Variants in GPC5 observed in about 807,000 individuals in gnomAD.
GPC5 encodes glypican 5.
In GPC5, 47 loss-of-function variants were observed where a neutral mutation model predicts 53.9. The observed-to-expected ratio is 0.87, with a 90% CI of 0.69 to 1.11. The LOEUF (loss-of-function observed/expected upper bound fraction) is 1.11, where lower values mean the gene tolerates loss of function less well. GPC5 is among the 50% of genes most tolerant of loss of function. The pLI, the probability that GPC5 is intolerant of heterozygous loss-of-function variation, is 0.00. For synonymous variants in GPC5, 286 were observed against 263.3 expected, an observed-to-expected ratio of 1.09 and a Z score of -0.84; for missense variants, 748 against 713.1, an observed-to-expected ratio of 1.05 and a Z score of -0.56.
chr13:92,624,218 T>A (rs184994324), intron 7 of GPC5, among the ~76,000 whole-genome samples: 438 of 152,050 alleles, frequency 2.9e-3, no homozygotes, highest in Non-Finnish European at 4.9e-3. Flanking sequence ...AACAGGCACG[T>A]GCCACCATGC....
intron 5 of GPC5, among the ~76,000 whole-genome samples, chr13:91,768,883 T>C (rs771016474): frequency 1.7e-4 from 26 of 152,212 alleles, no homozygotes; most frequent in Non-Finnish European, 3.2e-4. Flanking sequence ...CAGAGGTAAG[T>C]ACTCATGCTC....
chr13:92,527,229 GAA>G lies in GPC5; in HGVS notation c.1562-339051_1562-339050del, dbSNP rs751387761. 7.4e-4 allele frequency among the ~76,000 whole-genome samples: 28 copies of G among 37,980 alleles called. 1 individual carries two copies. The highest frequency in any genetic ancestry group is 3.8e-3 in the African/African-American group (23 of 6,122). The allele number at this position is 37,980 out of a possible 152,430, so 24.9% of individuals were successfully genotyped here. On this transcript the variant is annotated intron_variant, in intron 7 of 7. Transcript: ENST00000377067. ...AGAAAGAAAGAAAGAAAGAAAGAAA[GAA>G]AGAAAGAAAGAAAGAAAGAGAAAGA...
intron 7 of GPC5, among the ~76,000 whole-genome samples, chr13:92,402,854 AG>A (rs1213840484): frequency 2.6e-5 from 4 of 152,176 alleles, no homozygotes; most frequent in Admixed American, 6.5e-5. Flanking sequence ...GATGACTCAT[AG>A]GGGGAACAGA....
chr13:91,503,758 G>T (rs180906758), intron 2 of GPC5, among the ~76,000 whole-genome samples: 1 of 143,934 alleles, frequency 6.9e-6, no homozygotes, highest in Non-Finnish European at 1.5e-5. Context: ...CCAGCCTGGG[G>T]ACAGAGTGAG....
chr13:91,480,132 A>C (rs1413461020), intron 2 of GPC5, among the ~76,000 whole-genome samples: 2 of 152,328 alleles, frequency 1.3e-5, no homozygotes, highest in African/African-American at 4.8e-5. Context: ...GAAATTTTTG[A>C]ATACAAAGGG....
chr13:92,133,284 A>G (rs1283142530), intron 6 of GPC5, among the ~76,000 whole-genome samples: 4 of 152,198 alleles, frequency 2.6e-5, no homozygotes, highest in Non-Finnish European at 5.9e-5. Flanking sequence ...GAGAATCAGA[A>G]TGACATTTGT....
chr13:91,691,190 T>A (rs2035750571), intron 2 of GPC5, among the ~76,000 whole-genome samples: 1 of 152,222 alleles, frequency 6.6e-6, no homozygotes, highest in Admixed American at 6.5e-5. Context: ...GAATGCTTGC[T>A]GAACAACTCT....
intron 7 of GPC5, among the ~76,000 whole-genome samples, chr13:92,234,011 GT>G (rs1266425545): frequency 2.6e-5 from 4 of 152,146 alleles, no homozygotes; most frequent in Non-Finnish European, 5.9e-5. Flanking sequence ...TGGCTGCATA[GT>G]ATTCCATGGT....
Position 91,399,081 on chromosome 13 carries a change from G to A in GPC5, c.35G>A (p.Cys12Tyr), listed in dbSNP as rs1467990646. ...CAGACCTGGCCCGTGGGCTTTCGCT[G>A]CCTCCTCCTTCTGGCCCTGGTTGGG... ...DAQTWPVGFR[C>Y]LLLLALVGSA... The change falls in exon 1 of 8, where the codon TGC becomes TAC. Residue 12 changes from cysteine to tyrosine, a missense_variant. Coordinates refer to ENST00000377067, the MANE Select transcript of GPC5 (RefSeq NM_004466.6). The A allele has an allele frequency of 6.3e-7, 1 of 1,585,522 alleles. No homozygotes were observed.
intron 7 of GPC5, among the ~76,000 whole-genome samples, chr13:92,363,235 C>G (rs982371152): frequency 6.6e-6 from 1 of 151,590 alleles, no homozygotes; most frequent in Admixed American, 6.6e-5. Flanking sequence ...TTTCCACCAG[C>G]TAGAGTAAAA....
At chr13:92,318,385 G>A (rs1025850484) in intron 7 of GPC5, among the ~76,000 whole-genome samples, 21 of 152,152 alleles carry the variant, frequency 1.4e-4, no homozygotes, top group African/African-American at 4.8e-4. Flanking sequence ...AGGGAGAAAT[G>A]TGTAGTAACA....
chr13:91,914,429 A>G (rs1230859936), intron 6 of GPC5, among the ~76,000 whole-genome samples: 1 of 152,122 alleles, frequency 6.6e-6, no homozygotes, highest in African/African-American at 2.4e-5. Context: ...ATTCATTTTT[A>G]TAGAGACCCA....
At chr13:92,117,733 C>T (rs1335254179) in intron 6 of GPC5, among the ~76,000 whole-genome samples, 1 of 151,978 alleles carries the variant, frequency 6.6e-6, no homozygotes, top group Non-Finnish European at 1.5e-5. Context: ...TTTTGTCATT[C>T]TAAAAGATAA....
chr13:92,782,823 T>C (rs1206949555), intron 7 of GPC5, among the ~76,000 whole-genome samples: 1 of 152,178 alleles, frequency 6.6e-6, no homozygotes, highest in Non-Finnish European at 1.5e-5. Flanking sequence ...GACTTACTTT[T>C]GAATATAAAT....
intron 7 of GPC5, among the ~76,000 whole-genome samples, chr13:92,361,273 G>A (rs947043391): frequency 6.6e-6 from 1 of 151,636 alleles, no homozygotes; most frequent in African/African-American, 2.4e-5. Flanking sequence ...GGGTCGGGTT[G>A]GGGGGACCTG....
chr13:92,377,120 T>A (rs2043701731), intron 7 of GPC5, among the ~76,000 whole-genome samples: 1 of 152,190 alleles, frequency 6.6e-6, no homozygotes, highest in Non-Finnish European at 1.5e-5. Flanking sequence ...AATGCCACCA[T>A]GAAGTCTTTC....
At chr13:91,868,771 G>A (rs1044813944) in intron 5 of GPC5, among the ~76,000 whole-genome samples, 2 of 152,084 alleles carry the variant, frequency 1.3e-5, no homozygotes, top group Admixed American at 6.6e-5. Context: ...AGGTTAGAGG[G>A]GAAGTGGGGT....
intron 7 of GPC5, among the ~76,000 whole-genome samples, chr13:92,437,921 C>A (rs951727537): frequency 1.3e-5 from 2 of 152,046 alleles, no homozygotes; most frequent in Non-Finnish European, 2.9e-5. Flanking sequence ...TTAAAGTGTT[C>A]ACGAATTACA....
At chr13:92,203,638 A>T (rs1015467349) in intron 7 of GPC5, among the ~76,000 whole-genome samples, 3 of 118,000 alleles carry the variant, frequency 2.5e-5, no homozygotes, top group Admixed American at 9.7e-5. Flanking sequence ...AGAGTATAAT[A>T]AAAAAATATA....
Sources: allele counts gnomAD v4.1 joint callset (sites outside exome capture counted in the v4.1 genomes callset), GRCh38; gene constraint gnomAD v4.1.1; transcripts MANE v1.5; gene names NCBI Gene and HGNC (gene_info 2026-07-23, HGNC 2026-07-21).